The following TIMP2 variants were observed in gnomAD, a reference collection of about 807,000 sequenced individuals.
TIMP2 encodes the protein TIMP metallopeptidase inhibitor 2.
In TIMP2, 5 loss-of-function variants were observed where a neutral mutation model predicts 24.3. The observed-to-expected ratio is 0.21, with a 90% CI of 0.11 to 0.43. The LOEUF is 0.43. Ranked by LOEUF, TIMP2 falls within the 20% of genes least tolerant of loss-of-function variation. TIMP2 has a pLI of 1.00. For missense variants in TIMP2, 221 were observed against 297.5 expected, an observed-to-expected ratio of 0.74 and a Z score of 1.89; for synonymous variants, 130 against 123.2, an observed-to-expected ratio of 1.06 and a Z score of -0.37.
chr17:78,854,921 C>CGGGGGGGGGGGGTGGGGGGGGGGGG lies in TIMP2; in HGVS notation c.*745_*746insCCCCCCCCCCCCACCCCCCCCCCCC, dbSNP rs2069511678. On this transcript the variant is annotated 3_prime_UTR_variant, in exon 5 of 5. Coordinates refer to ENST00000262768, the MANE Select transcript of TIMP2 (RefSeq NM_003255.5). ...TCCTGCAAGCTGGGGAGCATGTGGG[C>CGGGGGGGGGGGGTGGGGGGGGGGGG]GGGGGGGGGGGGGTGGGGGGGTGGG... The CGGGGGGGGGGGGTGGGGGGGGGGGG allele has an allele frequency of 2.6e-5, 1 of 39,090 alleles. No individual in the cohort carries two copies. 2.4% of individuals were successfully genotyped at this position (39,090 alleles called of 1,614,324 possible).
At chr17:78,916,212 G>A (rs547357678) in intron 1 of TIMP2, among the ~76,000 whole-genome samples, 270 of 152,206 alleles carry the variant, frequency 1.8e-3, no homozygotes, top group African/African-American at 6.2e-3. Flanking sequence ...TGGAAGTGGG[G>A]GCAGAGAGAG....
At chr17:78,864,041 T>G (rs546336855) in intron 3 of TIMP2, among the ~76,000 whole-genome samples, 8 of 152,120 alleles carry the variant, frequency 5.3e-5, no homozygotes, top group African/African-American at 1.9e-4. Flanking sequence ...GGCATCTCAT[T>G]GTATTTCTTC....
intron 1 of TIMP2, 123 bp from the exon 2 acceptor site, chr17:78,874,042 G>T (rs1054918600): frequency 6.3e-6 from 5 of 791,686 alleles, no homozygotes; most frequent in Non-Finnish European, 8.2e-6. Flanking sequence ...AGCAAGGTGC[G>T]AGACGGGCAA....
Position 78,891,876 on chromosome 17 carries a change from T to C in TIMP2, c.131-17957A>G, listed in dbSNP as rs1425891496. 1 of 1,550,672 alleles carries C rather than the reference T, an allele frequency of 6.4e-7. No individual in the cohort carries two copies. ...GCCAGGTGAGAATTCATCCGACCCG[T>C]GGCTTTTGTAGTCTGTGGTTTCTCT... On this transcript the variant is annotated intron_variant, in intron 1 of 4. Transcript: ENST00000262768. The surrounding 1 kb of genome is among the most constrained non-coding windows in gnomAD (Gnocchi z 4.5).
At chr17:78,881,759 T>A (rs924372611) in intron 1 of TIMP2, among the ~76,000 whole-genome samples, 1 of 152,244 alleles carries the variant, frequency 6.6e-6, no homozygotes, top group Non-Finnish European at 1.5e-5. Flanking sequence ...GGGAAAGGAC[T>A]GTGACGTTCC....
At chr17:78,867,591 CTTCTT>C (rs1208956366) in intron 3 of TIMP2, among the ~76,000 whole-genome samples, 17 of 144,874 alleles carry the variant, frequency 1.2e-4, no homozygotes, top group Middle Eastern at 3.5e-3. Flanking sequence ...CCTTTTGTAC[CTTCTT>C]TTTTTTTTTT....
At chr17:78,918,065 A>AC (rs1555652947) in intron 1 of TIMP2, among the ~76,000 whole-genome samples, 24 of 144,810 alleles carry the variant, frequency 1.7e-4, no homozygotes, top group African/African-American at 5.2e-4. Flanking sequence ...TGCACACACA[A>AC]ACACACACAC....
chr17:78,875,516 G>A (rs573198702), intron 1 of TIMP2, among the ~76,000 whole-genome samples: 1 of 152,284 alleles, frequency 6.6e-6, no homozygotes, highest in South Asian at 2.1e-4. Context: ...GCTGTCACTT[G>A]GGCAGGGTTG....
At chr17:78,913,895 G>A (rs369073425) in intron 1 of TIMP2, among the ~76,000 whole-genome samples, 10 of 102,162 alleles carry the variant, frequency 9.8e-5, no homozygotes, top group East Asian at 2.7e-4. Flanking sequence ...CTGTCTCGGG[G>A]AAAAAAAAAA....
At chr17:78,899,383 T>C (rs2070054241) in intron 1 of TIMP2, 1 of 152,448 alleles carries the variant, frequency 6.6e-6, no homozygotes, top group Non-Finnish European at 1.5e-5. Context: ...CCCCATGTGA[T>C]TCCCTGCTGT....
At chr17:78,879,665 G>A (rs1167255639) in intron 1 of TIMP2, among the ~76,000 whole-genome samples, 1 of 152,106 alleles carries the variant, frequency 6.6e-6, no homozygotes, top group Non-Finnish European at 1.5e-5. Flanking sequence ...GCCTCTCCCT[G>A]GGCGTCTCAG....
chr17:78,865,891 C>A (rs1468623490), intron 3 of TIMP2, among the ~76,000 whole-genome samples: 2 of 152,274 alleles, frequency 1.3e-5, no homozygotes, highest in East Asian at 1.9e-4. Context: ...CACTTTTGCA[C>A]CCAAGAGTCC....
chr17:78,891,391 C>G lies in TIMP2; in HGVS notation c.131-17472G>C. 6.4e-7 allele frequency: 1 copy of G among 1,550,734 alleles called. No homozygotes were observed. Among genetic ancestry groups the G allele is most frequent in the Non-Finnish European group, 8.7e-7 (1 of 1,147,042 alleles). On this transcript the variant is annotated intron_variant, in intron 1 of 4. Transcript: ENST00000262768. The surrounding 1 kb of genome is among the most constrained non-coding windows in gnomAD (Gnocchi z 4.5). ...AGAAGGCATGCCCTTCCCCAGGTCT[C>G]TGGTCCATCCTGGGCTTCAGTGCCA... is the stretch of plus-strand genomic sequence containing the variant.
chr17:78,858,375 G>A (rs557757179), intron 3 of TIMP2, among the ~76,000 whole-genome samples: 1 of 152,140 alleles, frequency 6.6e-6, no homozygotes, highest in South Asian at 2.1e-4. Context: ...CCCGGGAGGC[G>A]GAGGTTGCAG....
At chr17:78,874,010 G>C (rs2069707914) in intron 1 of TIMP2, 91 bp from the exon 2 acceptor site, 1 of 1,189,770 alleles carries the variant, frequency 8.4e-7, no homozygotes, top group Non-Finnish European at 1.2e-6. Context: ...CCTGCGGGAG[G>C]TGCTGGGGGG....
rs551630178 is a variant in TIMP2 at position 78,915,204 on chromosome 17, G to C, written c.130+9755C>G. Among the ~76,000 whole-genome samples, 4 of 152,174 alleles carry C rather than the reference G, an allele frequency of 2.6e-5. No individual in the cohort carries two copies. In the South Asian group the frequency reaches 8.3e-4, roughly 32 times the overall value. On this transcript the variant is annotated intron_variant, in intron 1 of 4. Transcript: ENST00000262768. Reference sequence around the variant, plus strand: ...GAGTCACTGCAACCGGCCCAGTCTGGGCTTTTGAAAGTACTGTGCTCTGAA... The same window carrying C: ...GAGTCACTGCAACCGGCCCAGTCTGCGCTTTTGAAAGTACTGTGCTCTGAA...
intron 3 of TIMP2, among the ~76,000 whole-genome samples, chr17:78,858,447 T>TA (rs1026027010): frequency 1.3e-3 from 182 of 141,978 alleles, no homozygotes; most frequent in South Asian, 1.8e-3. Flanking sequence ...AGACTCAGTC[T>TA]AAAAAAAAAA....
intron 1 of TIMP2, among the ~76,000 whole-genome samples, chr17:78,912,399 A>C (rs966703572): frequency 3.3e-5 from 5 of 152,260 alleles, no homozygotes; most frequent in Admixed American, 3.3e-4. Flanking sequence ...TCCCGATTAC[A>C]GATCAGAAAG....
intron 1 of TIMP2, among the ~76,000 whole-genome samples, chr17:78,875,090 C>CTGTT (rs1378578691): frequency 1.3e-5 from 2 of 152,116 alleles, no homozygotes; most frequent in Non-Finnish European, 2.9e-5. Context: ...GTTGGCCAGG[C>CTGTT]TGTTCTCGAA....
Sources: gnomAD v4.1 joint callset for allele counts (sites outside exome capture counted in the v4.1 genomes callset) on GRCh38, gnomAD v4.1.1 for gene constraint, Gnocchi (gnomAD v3.1) non-coding constraint, MANE v1.5 for transcripts, NCBI Gene and HGNC (gene_info 2026-07-23, HGNC 2026-07-21) for gene names.